Variants in MYLK observed in about 807,000 individuals in gnomAD.
The protein encoded by MYLK is myosin light chain kinase.
In MYLK, 106 loss-of-function variants were observed where a neutral mutation model predicts 203.4. The ratio of observed to expected loss-of-function variants is 0.52; its 90% confidence interval spans 0.45 to 0.61. The LOEUF is 0.61. Ranked by LOEUF, MYLK falls within the 20% of genes least tolerant of loss-of-function variation. The pLI is 0.00. For synonymous variants in MYLK, 867 were observed against 959.5 expected (o/e 0.90, Z 1.78); for missense variants, 2,072 against 2,442.3 (o/e 0.85, Z 3.20).
Position 123,629,587 on chromosome 3 carries a change from G to A in MYLK, c.5001C>T (p.Asn1667=), listed in dbSNP as rs375038682. The change falls in exon 30 of 34, where the codon AAC becomes AAT. Residue 1667 remains asparagine (N), a synonymous_variant. Transcript: ENST00000360304. The surrounding 1 kb of genome is among the most constrained non-coding windows in gnomAD (Gnocchi z 4.4). ...GLSPFMGDND[N]ETLANVTSAT... ...CTGAGGTAACGTTGGCCAAGGTTTCGTTATCGTTGTCTCCCATGAAGGGGG... is the reference window on the plus strand; with the variant it reads ...CTGAGGTAACGTTGGCCAAGGTTTCATTATCGTTGTCTCCCATGAAGGGGG... 115 of 1,613,994 alleles carry A rather than the reference G, an allele frequency of 7.1e-5. No individual in the cohort carries two copies. Among genetic ancestry groups the A allele is most frequent in the Non-Finnish European group, 5.5e-5 (65 of 1,180,032 alleles).
chr3:123,734,233 G>GGGT lies in MYLK; in HGVS notation c.774-12_774-11insACC. On this transcript the variant is annotated splice_polypyrimidine_tract_variant and intron_variant, in intron 9 of 33. Coordinates refer to ENST00000360304, the MANE Select transcript of MYLK (RefSeq NM_053025.4). ...TCTCTCACAAATGACCTGTGTGGTGGTGAGGGTGGGGGTAGGGTGGGTGAG... is the reference window on the plus strand; with the variant it reads ...TCTCTCACAAATGACCTGTGTGGTGGGGTTGAGGGTGGGGGTAGGGTGGGTGAG... 1 of 1,263,640 alleles carries GGGT rather than the reference G, an allele frequency of 7.9e-7. No homozygotes were observed. The allele number at this position is 1,263,640 out of a possible 1,614,324, so 78.3% of individuals were successfully genotyped here.
chr3:123,667,920 C>T (rs73860112), intron 20 of MYLK, among the ~76,000 whole-genome samples: 104 of 147,428 alleles, frequency 7.1e-4, no homozygotes, highest in African/African-American at 2.6e-3. Context: ...CGCAAGCTTC[C>T]TTTGGGTCAC....
At chr3:123,853,982 C>T (rs756462257) in intron 2 of MYLK, among the ~76,000 whole-genome samples, 1 of 151,984 alleles carries the variant, frequency 6.6e-6, no homozygotes, top group Non-Finnish European at 1.5e-5. Flanking sequence ...TTAAATGCTT[C>T]TCTCTTGCTG....
chr3:123,734,414 TTCCC>T, intron 9 of MYLK, 192 bp from the exon 10 acceptor site: 1 of 555,274 alleles, frequency 1.8e-6, no homozygotes, highest in Non-Finnish European at 3.1e-6. Context: ...CAAGCAGCCA[TTCCC>T]GACACTTGCC....
At chr3:123,646,613 A>G (rs1299474632) in intron 27 of MYLK, among the ~76,000 whole-genome samples, 1 of 152,204 alleles carries the variant, frequency 6.6e-6, no homozygotes, top group Non-Finnish European at 1.5e-5. Context: ...AGAAACAATG[A>G]ATTCTGCGAA....
intron 2 of MYLK, among the ~76,000 whole-genome samples, chr3:123,868,462 T>C (rs751044225): frequency 2.6e-5 from 4 of 152,244 alleles, no homozygotes; most frequent in Non-Finnish European, 5.9e-5. Context: ...GCACTTACTA[T>C]GTGCCAGGCA....
intron 20 of MYLK, among the ~76,000 whole-genome samples, chr3:123,678,293 C>A (rs866676261): frequency 1.3e-5 from 2 of 152,180 alleles, no homozygotes; most frequent in Middle Eastern, 6.8e-3. Context: ...TTATCATTTT[C>A]TCTCCAGCCA....
chr3:123,776,482 A>G (rs930496448), intron 4 of MYLK, among the ~76,000 whole-genome samples: 2 of 152,224 alleles, frequency 1.3e-5, no homozygotes, highest in Non-Finnish European at 2.9e-5. Context: ...ATGTATAAAG[A>G]TGTTGATGAA....
At chr3:123,688,726 C>T (rs112470744) in intron 19 of MYLK, among the ~76,000 whole-genome samples, 34 of 152,304 alleles carry the variant, frequency 2.2e-4, no homozygotes, top group African/African-American at 7.5e-4. Context: ...CCTGAAACGC[C>T]TTAAGCACAG....
chr3:123,673,532 C>T (rs890815341), intron 20 of MYLK, among the ~76,000 whole-genome samples: 1 of 152,112 alleles, frequency 6.6e-6, no homozygotes, highest in African/African-American at 2.4e-5. Context: ...ATGTGGTACC[C>T]TGTTGGTCAG....
chr3:123,870,428 G>C (rs1458113212), intron 2 of MYLK, among the ~76,000 whole-genome samples: 1 of 152,190 alleles, frequency 6.6e-6, no homozygotes, highest in African/African-American at 2.4e-5. Context: ...AGGTTCACTA[G>C]CCATCTACCA....
At chr3:123,752,302 C>T (rs2063219527) in intron 5 of MYLK, 29 bp downstream of exon 5, 2 of 1,612,190 alleles carry the variant, frequency 1.2e-6, no homozygotes, top group South Asian at 1.1e-5. Flanking sequence ...GCTCAGCTCC[C>T]TCCTGGACTC....
At chr3:123,757,171 C>A (rs1315226862) in intron 4 of MYLK, among the ~76,000 whole-genome samples, 1 of 152,188 alleles carries the variant, frequency 6.6e-6, no homozygotes. Context: ...TCTGTTAGAG[C>A]ACTAAACATT....
chr3:123,830,944 A>G (rs562490852), intron 3 of MYLK, among the ~76,000 whole-genome samples: 1 of 152,264 alleles, frequency 6.6e-6, no homozygotes, highest in East Asian at 1.9e-4. Flanking sequence ...TTTGTTAAAC[A>G]GGCTCACTCT....
At chr3:123,682,395 C>T (rs941468353) in intron 19 of MYLK, 85 bp from the exon 20 acceptor site, 1 of 1,078,266 alleles carries the variant, frequency 9.3e-7, no homozygotes, top group African/African-American at 1.6e-5. Flanking sequence ...CCCACCTCAG[C>T]CAAACTCCTC....
intron 4 of MYLK, among the ~76,000 whole-genome samples, chr3:123,768,257 C>T (rs369650392): frequency 1.3e-5 from 2 of 152,306 alleles, no homozygotes; most frequent in East Asian, 3.9e-4. Context: ...GTCAGGGTCC[C>T]CTTTCCAAGC....
intron 18 of MYLK, among the ~76,000 whole-genome samples, chr3:123,694,368 A>G (rs1413699521): frequency 6.6e-6 from 1 of 152,148 alleles, no homozygotes; most frequent in Non-Finnish European, 1.5e-5. Context: ...AATTTTAGGA[A>G]GTCTGTCATA....
At chr3:123,738,034 C>T (rs551366746) in intron 7 of MYLK, among the ~76,000 whole-genome samples, 4 of 152,166 alleles carry the variant, frequency 2.6e-5, no homozygotes, top group Admixed American at 2.0e-4. Flanking sequence ...GCCACTGCCT[C>T]CCTGCCCGCC....
At chr3:123,693,394 C>T (rs952317468) in intron 18 of MYLK, 4 of 163,180 alleles carry the variant, frequency 2.5e-5, no homozygotes, top group East Asian at 3.2e-4. Context: ...GGAGGGGCAC[C>T]GGCCTGTGGG....
Sources: gnomAD v4.1 joint callset for allele counts (sites outside exome capture counted in the v4.1 genomes callset) on GRCh38, gnomAD v4.1.1 for gene constraint, Gnocchi (gnomAD v3.1) non-coding constraint, MANE v1.5 for transcripts, NCBI Gene and HGNC (gene_info 2026-07-23, HGNC 2026-07-21) for gene names.